The following TRPC4 variants were observed in gnomAD, a reference collection of about 807,000 sequenced individuals.
The protein encoded by TRPC4 is transient receptor potential cation channel subfamily C member 4, also known as short transient receptor potential channel 4.
TRPC4 carries 49 observed loss-of-function variants against 99.4 expected under a neutral mutation model. The ratio of observed to expected loss-of-function variants is 0.49; its 90% CI spans 0.39 to 0.63. TRPC4 has a LOEUF of 0.63. Ranked by LOEUF, TRPC4 falls within the 20% of genes least tolerant of loss-of-function variation. TRPC4 has a pLI of 0.00. For missense variants in TRPC4, 898 were observed against 1,152.9 expected, an observed-to-expected ratio of 0.78 and a Z score of 3.20; for synonymous variants, 454 against 425.9, an observed-to-expected ratio of 1.07 and a Z score of -0.81.
intron 2 of TRPC4, among the ~76,000 whole-genome samples, chr13:37,747,302 T>A (rs1414780577): frequency 2.0e-5 from 3 of 152,174 alleles, no homozygotes; most frequent in African/African-American, 7.2e-5. Flanking sequence ...AGTGAGTAAG[T>A]GGAAGGTCTA....
At position 37,633,924 on chromosome 13, in the gene TRPC4, C is replaced by T. The variant is rs531015316; in HGVS notation, c.*2979G>A. On this transcript the variant is annotated 3_prime_UTR_variant, in exon 11 of 11. Coordinates refer to ENST00000379705, the MANE Select transcript of TRPC4 (RefSeq NM_016179.4). ...GAAATTTTAAGGAAAACCTTTATTA[C>T]GAATAATGAGGTACATCTTTATAGC... 1.4e-4 allele frequency among the ~76,000 whole-genome samples: 21 copies of T among 152,072 alleles called. No homozygotes were observed. Among genetic ancestry groups the T allele is most frequent in the Non-Finnish European group, 1.2e-4 (8 of 67,930 alleles).
At position 37,633,908 on chromosome 13, in the gene TRPC4, A is replaced by C. The variant is rs565273659; in HGVS notation, c.*2995T>G. Among the ~76,000 whole-genome samples, 6 of 152,234 alleles carry C rather than the reference A, an allele frequency of 3.9e-5. No homozygotes were observed. The highest frequency in any genetic ancestry group is 1.4e-4 in the African/African-American group (6 of 41,584). ...TAGATTTATTTGCACAGAAATTTTA[A>C]GGAAAACCTTTATTACGAATAATGA... On this transcript the variant is annotated 3_prime_UTR_variant, in exon 11 of 11. Coordinates refer to ENST00000379705, the MANE Select transcript of TRPC4 (RefSeq NM_016179.4).
intron 4 of TRPC4, among the ~76,000 whole-genome samples, chr13:37,688,851 A>T (rs1269805314): frequency 6.6e-6 from 1 of 152,124 alleles, no homozygotes; most frequent in Non-Finnish European, 1.5e-5. Context: ...AAGCCACATC[A>T]TTTCCGTAAG....
At chr13:37,666,684 A>C (rs1952656808) in intron 5 of TRPC4, among the ~76,000 whole-genome samples, 1 of 152,200 alleles carries the variant, frequency 6.6e-6, no homozygotes, top group Non-Finnish European at 1.5e-5. Context: ...TTGAATTTTA[A>C]AAAATTTCTT....
chr13:37,861,216 G>T (rs944655479), intron 1 of TRPC4, among the ~76,000 whole-genome samples: 1 of 151,286 alleles, frequency 6.6e-6, no homozygotes, highest in Non-Finnish European at 1.5e-5. Context: ...TGTTCAATTT[G>T]TTTACTTTTT....
chr13:37,647,209 G>C (rs1178782165), intron 8 of TRPC4, among the ~76,000 whole-genome samples: 1 of 152,142 alleles, frequency 6.6e-6, no homozygotes, highest in Non-Finnish European at 1.5e-5. Flanking sequence ...GGAATGAGCA[G>C]CAGGGTGACA....
chr13:37,650,144 T>A (rs990070181), intron 8 of TRPC4, among the ~76,000 whole-genome samples: 133 of 152,212 alleles, frequency 8.7e-4, no homozygotes, highest in African/African-American at 3.1e-3. Context: ...TGGTGGGCAA[T>A]GAAGTTAGAG....
At chr13:37,837,449 C>A (rs994153899) in intron 1 of TRPC4, among the ~76,000 whole-genome samples, 1 of 152,252 alleles carries the variant, frequency 6.6e-6, no homozygotes, top group Admixed American at 6.5e-5. Context: ...GAACCCACCT[C>A]TTACCTCAGC....
At chr13:37,786,289 G>GAC (rs10549960) in intron 1 of TRPC4, among the ~76,000 whole-genome samples, 11,315 of 140,818 alleles carry the variant, frequency 0.08, 450 homozygotes, top group Middle Eastern at 0.1. Flanking sequence ...CAGGGAGAAA[G>GAC]ACACACACAC....
At chr13:37,745,537 CGTATATATATAT>C (rs1566138751) in intron 3 of TRPC4, among the ~76,000 whole-genome samples, 3 of 63,616 alleles carry the variant, frequency 4.7e-5, no homozygotes, top group African/African-American at 3.4e-4. Context: ...TGTATATATA[CGTATATATATAT>C]ATATATAATT....
chr13:37,724,245 T>A (rs115511939), intron 3 of TRPC4, among the ~76,000 whole-genome samples: 222 of 152,268 alleles, frequency 1.5e-3, no homozygotes, highest in African/African-American at 5.1e-3. Context: ...TGTGGGTGTG[T>A]CAGTGAATGT....
At chr13:37,769,128 A>G (rs1405892176) in intron 2 of TRPC4, among the ~76,000 whole-genome samples, 1 of 151,530 alleles carries the variant, frequency 6.6e-6, no homozygotes, top group East Asian at 1.9e-4. Context: ...CTAGTGTTGC[A>G]TAGTGAAAAA....
intron 1 of TRPC4, among the ~76,000 whole-genome samples, chr13:37,826,733 A>G (rs1330452830): frequency 6.6e-6 from 1 of 152,068 alleles, no homozygotes; most frequent in Non-Finnish European, 1.5e-5. Context: ...ACTTTACTGA[A>G]TCTGACAATT....
At chr13:37,815,221 T>G (rs1450481986) in intron 1 of TRPC4, among the ~76,000 whole-genome samples, 3 of 151,676 alleles carry the variant, frequency 2.0e-5, no homozygotes, top group Admixed American at 6.6e-5. Context: ...AAACTATACA[T>G]AATAACTAGC....
chr13:37,855,565 A>T (rs1385176204), intron 1 of TRPC4, among the ~76,000 whole-genome samples: 1 of 151,638 alleles, frequency 6.6e-6, no homozygotes, highest in Non-Finnish European at 1.5e-5. Flanking sequence ...TTTTACCCAA[A>T]ATCTGCAGAA....
At chr13:37,776,723 G>A (rs948349571) in intron 2 of TRPC4, among the ~76,000 whole-genome samples, 1 of 151,914 alleles carries the variant, frequency 6.6e-6, no homozygotes, top group African/African-American at 2.4e-5. Context: ...AAGTTCATGC[G>A]ATTGCAGACT....
chr13:37,775,068 G>T (rs1956660645), intron 2 of TRPC4, among the ~76,000 whole-genome samples: 1 of 151,536 alleles, frequency 6.6e-6, no homozygotes, highest in Non-Finnish European at 1.5e-5. Flanking sequence ...CTAATAAAAT[G>T]ACCCCACAAA....
intron 5 of TRPC4, among the ~76,000 whole-genome samples, chr13:37,666,437 T>A (rs1263943405): frequency 6.6e-6 from 1 of 152,314 alleles, no homozygotes; most frequent in Middle Eastern, 3.4e-3. Flanking sequence ...TGTCACGGAT[T>A]AAGAGATATA....
At chr13:37,690,277 G>A (rs1218536401) in intron 4 of TRPC4, among the ~76,000 whole-genome samples, 2 of 151,974 alleles carry the variant, frequency 1.3e-5, no homozygotes, top group Non-Finnish European at 2.9e-5. Flanking sequence ...AGGACACTTC[G>A]GACACTTATA....
Sources: allele counts gnomAD v4.1 joint callset (sites outside exome capture counted in the v4.1 genomes callset), GRCh38; gene constraint gnomAD v4.1.1; transcripts MANE v1.5; gene names NCBI Gene and HGNC (gene_info 2026-07-23, HGNC 2026-07-21).